Variants in UST observed in about 807,000 individuals in gnomAD.
UST encodes the protein uronyl 2-sulfotransferase, also known as chondroitin sulfate 2-O-sulfotransferase.
Under a neutral mutation model 45.6 loss-of-function variants are expected in UST, and 21 were observed. The observed-to-expected ratio is 0.46, with a 90% CI of 0.33 to 0.66. UST has a LOEUF of 0.66. Ranked by LOEUF, UST falls within the 30% of genes least tolerant of loss-of-function variation. The pLI is 0.02. For synonymous variants in UST, 215 were observed against 200.6 expected (o/e 1.07, Z -0.61); for missense variants, 463 against 512.4 (o/e 0.90, Z 0.93).
Position 148,747,606 on chromosome 6 carries a change from G to C in UST, c.176G>C (p.Cys59Ser). The change falls in exon 1 of 8, where the codon TGC becomes TCC. Residue 59 changes from cysteine (C) to serine (S), a missense_variant. By Grantham distance (112) the Cys-to-Ser change is moderately radical. Transcript: ENST00000367463. ...GFCMATLLVF[C>S]LGSLLYQLSG... ...TGCATGGCCACCCTGCTGGTCTTCT[G>C]CCTGGGCTCCCTCCTCTATCAGCTC... 6.2e-7 allele frequency: 1 copy of C among 1,601,500 alleles called. No homozygotes were observed. Among genetic ancestry groups the C allele is most frequent in the Non-Finnish European group, 8.5e-7 (1 of 1,175,284 alleles).
rs558585902 is a variant in UST, at chr6:148,893,567, T to G, written c.291+6538T>G. On this transcript the variant is annotated intron_variant, in intron 2 of 7. Coordinates refer to ENST00000367463, the MANE Select transcript of UST (RefSeq NM_005715.3). ...TCTGTGACTGATAGATTCTTAAGTC[T>G]AAGTGACATGCATTCATCCAAGTGT... Among the ~76,000 whole-genome samples the G allele has an allele frequency of 2.5e-3, 377 of 152,336 alleles. 6 individuals carry two copies. The highest frequency in any genetic ancestry group is 8.6e-3 in the African/African-American group (356 of 41,566).
At chr6:148,962,771 A>G (rs1022628739) in intron 4 of UST, among the ~76,000 whole-genome samples, 7 of 152,232 alleles carry the variant, frequency 4.6e-5, no homozygotes, top group Non-Finnish European at 1.0e-4. Context: ...GGTGCCTGAA[A>G]TTCCACTATC....
At chr6:148,899,546 A>G (rs375110172) in intron 2 of UST, among the ~76,000 whole-genome samples, 17 of 152,252 alleles carry the variant, frequency 1.1e-4, no homozygotes, top group African/African-American at 3.6e-4. Context: ...GCCACCACGC[A>G]AGGGCAACTA....
chr6:148,812,100 A>T (rs1351997401), intron 1 of UST, among the ~76,000 whole-genome samples: 1 of 152,186 alleles, frequency 6.6e-6, no homozygotes, highest in Non-Finnish European at 1.5e-5. Context: ...TTTAAAAGTA[A>T]TCCAGGAAAT....
chr6:148,885,456 T>C (rs80059303), intron 1 of UST, among the ~76,000 whole-genome samples: 1,816 of 152,336 alleles, frequency 0.012, 45 homozygotes, highest in African/African-American at 0.041. Context: ...ATGCACGCTC[T>C]CAGTGGAGTT....
intron 1 of UST, among the ~76,000 whole-genome samples, chr6:148,864,639 CTT>C (rs1365002958): frequency 1.3e-5 from 2 of 152,240 alleles, no homozygotes; most frequent in Non-Finnish European, 2.9e-5. Context: ...ACTTCCAACA[CTT>C]TGCATCTTTC....
chr6:148,913,237 C>A (rs1167444619), intron 2 of UST, among the ~76,000 whole-genome samples: 5 of 152,096 alleles, frequency 3.3e-5, no homozygotes, highest in African/African-American at 1.2e-4. Flanking sequence ...CAGGACAGCA[C>A]CTCTGCAAAC....
At chr6:148,914,191 C>T (rs936103317) in intron 2 of UST, among the ~76,000 whole-genome samples, 1 of 152,174 alleles carries the variant, frequency 6.6e-6, no homozygotes, top group African/African-American at 2.4e-5. Context: ...TTAGGAGATA[C>T]ATAAGGTTTG....
intron 5 of UST, 83 bp downstream of exon 5, chr6:148,964,646 C>G: frequency 6.5e-7 from 1 of 1,541,918 alleles, no homozygotes; most frequent in East Asian, 2.3e-5. Context: ...CTCTTCCCTT[C>G]CCAGGCCTTC....
chr6:149,027,286 T>C (rs1776063655), intron 7 of UST, among the ~76,000 whole-genome samples: 1 of 152,232 alleles, frequency 6.6e-6, no homozygotes, highest in Non-Finnish European at 1.5e-5. Context: ...AGTTCTATAC[T>C]AAATAATAAA....
At chr6:148,955,917 T>A (rs1161610092) in intron 4 of UST, 2 of 152,222 alleles carry the variant, frequency 1.3e-5, no homozygotes, top group Admixed American at 6.5e-5. Context: ...CAGATCACAG[T>A]ATGGTGGCCA....
chr6:148,761,523 C>CAAAA (rs11386317), intron 1 of UST, among the ~76,000 whole-genome samples: 11 of 144,986 alleles, frequency 7.6e-5, no homozygotes, highest in African/African-American at 2.5e-4. Context: ...GACAACGTGC[C>CAAAA]AAAAAAAAAA....
At chr6:148,970,130 T>G (rs1435092787) in intron 5 of UST, among the ~76,000 whole-genome samples, 2 of 152,204 alleles carry the variant, frequency 1.3e-5, no homozygotes, top group East Asian at 3.9e-4. Context: ...CAGGTGATTT[T>G]AGGACCAAAG....
rs140932485 is a variant in UST at position 148,978,489 on chromosome 6, G to C, written c.681+13926G>C. Among the ~76,000 whole-genome samples the C allele has an allele frequency of 3.5e-3, 530 of 152,238 alleles. 1 individual carries two copies. Among genetic ancestry groups the C allele is most frequent in the African/African-American group, 0.011 (457 of 41,524 alleles). On this transcript the variant is annotated intron_variant, in intron 5 of 7. Transcript: ENST00000367463. ...CATATATACCGTGGAATACTATGCA[G>C]CCATAAAAAAGAATGAGTTCATGTC...
intron 7 of UST, among the ~76,000 whole-genome samples, chr6:149,067,067 G>A (rs1190796871): frequency 6.6e-6 from 1 of 152,212 alleles, no homozygotes; most frequent in Non-Finnish European, 1.5e-5. Flanking sequence ...TTGAAGAGTA[G>A]TAAATGATAT....
In UST at chr6:148,964,551, G is replaced by GGAGC; in HGVS notation, c.671_674dup (p.Tyr226AlafsTer7). The GGAGC allele has an allele frequency of 6.2e-7, 1 of 1,613,786 alleles. No homozygotes were observed. Among genetic ancestry groups the GGAGC allele is most frequent in the Non-Finnish European group, 8.5e-7 (1 of 1,180,042 alleles). On this transcript the variant is annotated frameshift_variant, in exon 5 of 8. Transcript: ENST00000367463. LOFTEE classifies it high-confidence loss of function. ...TCCGCACCCCCAGCATGAGGCAGGA[G>GGAGC]GAGCGCTACCTGGTAAGTCCTGTCG...
At chr6:149,007,257 T>C (rs1207595067) in intron 5 of UST, among the ~76,000 whole-genome samples, 2 of 146,082 alleles carry the variant, frequency 1.4e-5, no homozygotes, top group Non-Finnish European at 3.0e-5. Context: ...GTAGCTGGGA[T>C]TACAGGTGCA....
At chr6:148,784,444 A>G (rs1351831267) in intron 1 of UST, among the ~76,000 whole-genome samples, 1 of 152,188 alleles carries the variant, frequency 6.6e-6, no homozygotes, top group African/African-American at 2.4e-5. Flanking sequence ...ACCATCTCAA[A>G]TCCTCTCAAG....
At chr6:148,812,641 G>A (rs926981084) in intron 1 of UST, among the ~76,000 whole-genome samples, 6 of 152,158 alleles carry the variant, frequency 3.9e-5, no homozygotes, top group African/African-American at 7.2e-5. Flanking sequence ...TGGCCACATG[G>A]GTCTCCCCAT....
Sources: gnomAD v4.1 joint callset for allele counts (sites outside exome capture counted in the v4.1 genomes callset) on GRCh38, gnomAD v4.1.1 for gene constraint, MANE v1.5 for transcripts, NCBI Gene and HGNC (gene_info 2026-07-23, HGNC 2026-07-21) for gene names.